Variants in MAST4 observed in about 807,000 individuals in gnomAD.
MAST4 encodes microtubule-associated serine/threonine-protein kinase 4.
In MAST4, 89 loss-of-function variants were observed where a neutral mutation model predicts 162.7. The observed-to-expected ratio is 0.55, with a 90% CI of 0.46 to 0.65. The LOEUF (loss-of-function observed/expected upper bound fraction) is 0.65. MAST4 is among the 30% of genes least tolerant of loss of function. The pLI is 0.00. For synonymous variants in MAST4, 1,479 were observed against 1,361.1 expected (o/e 1.09, Z -1.91); for missense variants, 3,153 against 3,374.0 (o/e 0.93, Z 1.62).
At chr5:67,015,375 C>T (rs1167284209) in intron 4 of MAST4, among the ~76,000 whole-genome samples, 1 of 152,182 alleles carries the variant, frequency 6.6e-6, no homozygotes, top group Non-Finnish European at 1.5e-5. Context: ...GCTGTTCCTT[C>T]AGCCACTTAA....
At chr5:66,854,297 A>G (rs1759520064) in intron 3 of MAST4, among the ~76,000 whole-genome samples, 2 of 152,350 alleles carry the variant, frequency 1.3e-5, no homozygotes, top group African/African-American at 4.8e-5. Flanking sequence ...GTGATTTAAT[A>G]TCATGATTAG....
At position 67,090,158 on chromosome 5, in the gene MAST4, C is replaced by G. The variant is rs759741352; in HGVS notation, c.764-4C>G. On this transcript the variant is annotated splice_region_variant and splice_polypyrimidine_tract_variant and intron_variant, in intron 5 of 28. Coordinates refer to ENST00000403625, the MANE Select transcript of MAST4 (RefSeq NM_001164664.2). ...GTAAATTTCTCTCTTTTCTCTTTCTCTAGGAAATAGCCCTCAAGATAGTCC... is the reference window on the plus strand; with the variant it reads ...GTAAATTTCTCTCTTTTCTCTTTCTGTAGGAAATAGCCCTCAAGATAGTCC... 3.1e-6 allele frequency: 5 copies of G among 1,602,348 alleles called. No individual in the cohort carries two copies. Among genetic ancestry groups the G allele is most frequent in the African/African-American group, 1.3e-5 (1 of 74,706 alleles).
At chr5:67,008,452 G>A (rs568896882) in intron 4 of MAST4, among the ~76,000 whole-genome samples, 1 of 152,300 alleles carries the variant, frequency 6.6e-6, no homozygotes, top group African/African-American at 2.4e-5. Context: ...TCTGCTCTCT[G>A]TCACACCTTA....
chr5:66,803,570 G>A (rs1756028810), intron 3 of MAST4, among the ~76,000 whole-genome samples: 1 of 152,058 alleles, frequency 6.6e-6, no homozygotes, highest in Non-Finnish European at 1.5e-5. Context: ...ATTTTTTACA[G>A]AAAGAATTTG....
chr5:66,666,868 C>T (rs1461019566), intron 1 of MAST4, among the ~76,000 whole-genome samples: 1 of 152,202 alleles, frequency 6.6e-6, no homozygotes, highest in Non-Finnish European at 1.5e-5. Context: ...GGTGAGTAAA[C>T]AGGTTGCCTA....
chr5:66,622,602 G>C (rs1027893562), intron 1 of MAST4, among the ~76,000 whole-genome samples: 3 of 152,156 alleles, frequency 2.0e-5, no homozygotes, highest in Admixed American at 6.5e-5. Context: ...GGTTAGAGGT[G>C]ATGGTGCTTG....
chr5:66,759,633 AG>A (rs1337210451), intron 1 of MAST4, 75 bp from the exon 2 acceptor site: 4 of 1,520,790 alleles, frequency 2.6e-6, no homozygotes, highest in Non-Finnish European at 3.6e-6. Flanking sequence ...AGGAAGAAAA[AG>A]TGTGAATGAT....
rs921561077 is a variant in MAST4 at position 66,699,454 on chromosome 5, A to T, written c.364-60255A>T. The stretch of plus-strand genomic sequence containing the variant: ...ATCTCACTTTGAGCAGAAGTTCCAG[A>T]GGGATTTTTTTGTTAGTCACCAATC... On this transcript the variant is annotated intron_variant, in intron 1 of 28. Transcript: ENST00000403625. Among the ~76,000 whole-genome samples the T allele has an allele frequency of 7.2e-5, 11 of 152,290 alleles. 1 individual carries two copies. In the East Asian group the frequency reaches 9.6e-4, roughly 13 times the overall value.
chr5:66,836,950 G>T (rs1360245705), intron 3 of MAST4, among the ~76,000 whole-genome samples: 1 of 151,228 alleles, frequency 6.6e-6, no homozygotes, highest in East Asian at 2.0e-4. Flanking sequence ...AGTTAAAAAA[G>T]CAAATAAAAT....
intron 1 of MAST4, among the ~76,000 whole-genome samples, chr5:66,750,537 A>G (rs1019608626): frequency 5.9e-5 from 9 of 152,200 alleles, no homozygotes; most frequent in Non-Finnish European, 1.0e-4. Context: ...GGGGTGACGG[A>G]CGCACCTTGA....
intron 2 of MAST4, among the ~76,000 whole-genome samples, chr5:66,782,134 C>A (rs755547868): frequency 2.6e-5 from 4 of 151,722 alleles, no homozygotes; most frequent in African/African-American, 7.3e-5. Flanking sequence ...ATTAAAAATA[C>A]AAAAATTAGG....
intron 5 of MAST4, among the ~76,000 whole-genome samples, chr5:67,056,998 G>T (rs116205753): frequency 0.014 from 2,124 of 152,068 alleles, 36 homozygotes; most frequent in African/African-American, 0.036. Context: ...CCACCGCACC[G>T]CACCCAGCAT....
At position 66,696,204 on chromosome 5, in the gene MAST4, C is replaced by T. The variant is rs185186249; in HGVS notation, c.364-63505C>T. On this transcript the variant is annotated intron_variant, in intron 1 of 28. Coordinates refer to ENST00000403625, the MANE Select transcript of MAST4 (RefSeq NM_001164664.2). ...AAACACACACTGGGGCCTGTTGGGG[C>T]GGAGGGTGGGAGGAGGGAGAGCATC... Among the ~76,000 whole-genome samples, 463 of 151,824 alleles carry T rather than the reference C, an allele frequency of 3.0e-3. 5 individuals are homozygous for T. The highest frequency in any genetic ancestry group is 0.01 in the Middle Eastern group (3 of 294).
intron 9 of MAST4, 37 bp downstream of exon 9, chr5:67,102,648 G>A (rs373014438): frequency 2.2e-5 from 33 of 1,503,328 alleles, no homozygotes; most frequent in Non-Finnish European, 3.1e-5. Flanking sequence ...GCATCTAAAC[G>A]AACAGGCACC....
At chr5:66,845,749 A>T (rs996753148) in intron 3 of MAST4, among the ~76,000 whole-genome samples, 1 of 152,042 alleles carries the variant, frequency 6.6e-6, no homozygotes, top group East Asian at 1.9e-4. Context: ...AAGCGTTCCT[A>T]TTTCTCCACA....
intron 1 of MAST4, among the ~76,000 whole-genome samples, chr5:66,636,703 T>C (rs1006962738): frequency 6.6e-6 from 1 of 152,180 alleles, no homozygotes. Flanking sequence ...CTTTCCTGTG[T>C]TGCGTGTTTT....
chr5:67,095,271 CCTGCCTTT>C (rs1250310947), intron 6 of MAST4, among the ~76,000 whole-genome samples: 1 of 152,188 alleles, frequency 6.6e-6, no homozygotes, highest in Non-Finnish European at 1.5e-5. Flanking sequence ...GTGTTTTCCT[CCTGCCTTT>C]CTGTTCTTAT....
chr5:66,788,607 C>CCAACCCAA, intron 2 of MAST4, 63 bp from the exon 3 acceptor site: 1 of 1,373,728 alleles, frequency 7.3e-7, no homozygotes, highest in Non-Finnish European at 1.0e-6. Context: ...CCCCCACCCC[C>CCAACCCAA]ATTGCAATAA....
At chr5:67,088,016 T>G (rs1763440138) in intron 5 of MAST4, among the ~76,000 whole-genome samples, 1 of 152,208 alleles carries the variant, frequency 6.6e-6, no homozygotes, top group Admixed American at 6.5e-5. Flanking sequence ...TATTATTTTT[T>G]TATTTTTTAG....
Sources: allele counts gnomAD v4.1 joint callset (sites outside exome capture counted in the v4.1 genomes callset), GRCh38; gene constraint gnomAD v4.1.1; transcripts MANE v1.5; gene names NCBI Gene and HGNC (gene_info 2026-07-23, HGNC 2026-07-21).